The following PDE5A variants were observed in gnomAD, a reference collection of about 807,000 sequenced individuals.
The protein encoded by PDE5A is phosphodiesterase 5A.
PDE5A carries 67 observed loss-of-function variants against 110.2 expected under a neutral mutation model. The ratio of observed to expected loss-of-function variants is 0.61; its 90% CI spans 0.50 to 0.75. The LOEUF (loss-of-function observed/expected upper bound fraction) is 0.75. PDE5A is among the 30% of genes least tolerant of loss of function. The pLI is 0.00. For synonymous variants in PDE5A, 328 were observed against 351.2 expected (o/e 0.93, Z 0.74); for missense variants, 862 against 1,045.1 (o/e 0.82, Z 2.42).
rs550126242 is a variant in PDE5A, at chr4:119,585,815, A to G, written c.831+10708T>C. ...GACAACTTTGGAGACGAGGTTATATAGAGCACTACTGCTTCCTCCTTGCTC... is the reference window on the plus strand; with the variant it reads ...GACAACTTTGGAGACGAGGTTATATGGAGCACTACTGCTTCCTCCTTGCTC... On this transcript the variant is annotated intron_variant, in intron 3 of 20. Transcript: ENST00000354960. 4.6e-5 allele frequency among the ~76,000 whole-genome samples: 7 copies of G among 152,302 alleles called. No individual in the cohort carries two copies. The East Asian group carries it at 1.4e-3, about 29-fold the overall frequency.
intron 3 of PDE5A, among the ~76,000 whole-genome samples, chr4:119,596,107 G>A (rs1197531132): frequency 2.0e-5 from 3 of 152,018 alleles, no homozygotes; most frequent in Admixed American, 6.6e-5. Flanking sequence ...AATTAGCTAT[G>A]ATTTCCATTT....
chr4:119,600,693 A>T (rs868090438), intron 2 of PDE5A, among the ~76,000 whole-genome samples: 35 of 152,294 alleles, frequency 2.3e-4, no homozygotes, highest in African/African-American at 7.5e-4. Context: ...AAAATATTAC[A>T]CGAGTCCATA....
intron 3 of PDE5A, among the ~76,000 whole-genome samples, chr4:119,586,434 A>G (rs1728769034): frequency 6.6e-6 from 1 of 152,224 alleles, no homozygotes; most frequent in African/African-American, 2.4e-5. Context: ...CAAGGAATAC[A>G]GGGTATTTAA....
chr4:119,506,111 T>C (rs1300938994), intron 16 of PDE5A, among the ~76,000 whole-genome samples, 179 bp from the exon 17 acceptor site: 2 of 151,952 alleles, frequency 1.3e-5, no homozygotes, highest in African/African-American at 4.8e-5. Flanking sequence ...TTCCCCCTTC[T>C]ATCATTTGCT....
chr4:119,554,086 C>G (rs1727456437), intron 7 of PDE5A, among the ~76,000 whole-genome samples: 2 of 152,028 alleles, frequency 1.3e-5, no homozygotes, highest in Admixed American at 1.3e-4. Flanking sequence ...TATAGAATGC[C>G]TAAGGTCTAG....
At chr4:119,609,650 G>C (rs1053887317) in intron 1 of PDE5A, among the ~76,000 whole-genome samples, 3 of 152,068 alleles carry the variant, frequency 2.0e-5, no homozygotes, top group Non-Finnish European at 2.9e-5. Flanking sequence ...TTCAAGAGTT[G>C]AATACAGTTA....
rs1725728435 is a variant in PDE5A, at chr4:119,511,121, G to A, written c.2014C>T (p.Leu672Phe). 3 of 1,607,222 alleles carry A rather than the reference G, an allele frequency of 1.9e-6. No homozygotes were observed. The highest frequency in any genetic ancestry group is 2.7e-5 in the African/African-American group (2 of 74,740). The change falls in exon 15 of 21, where the codon CTT becomes TTT. Residue 672 changes from leucine to phenylalanine, a missense_variant. Leu to Phe is a conservative substitution (Grantham distance 22). Coordinates refer to ENST00000354960, the MANE Select transcript of PDE5A (RefSeq NM_001083.4). ...ATTGAATGGCAGTAAAGCTGGGCAA[G>A]TGGATGTTCACTTCTGAAAGTATTT... ...NSYIQRSEHP[L>F]AQLYCHSIME...
In PDE5A at chr4:119,617,404, G is replaced by T. The variant is rs746334337; in HGVS notation, c.153-10107C>A. The stretch of plus-strand genomic sequence containing the variant: ...CACACGCACACACGTGTCTGTGTCC[G>T]AAGGGTCTCCCTGTGGCAATAACTT... On this transcript the variant is annotated intron_variant, in intron 1 of 20. Transcript: ENST00000354960. Among the ~76,000 whole-genome samples the T allele has an allele frequency of 4.6e-5, 7 of 152,192 alleles. No individual in the cohort carries two copies. In the South Asian group the frequency reaches 8.3e-4, roughly 18 times the overall value.
At chr4:119,514,923 A>C (rs949253276) in intron 14 of PDE5A, among the ~76,000 whole-genome samples, 1 of 152,198 alleles carries the variant, frequency 6.6e-6, no homozygotes, top group Non-Finnish European at 1.5e-5. Flanking sequence ...TGACTTGCAC[A>C]AGGTCACAGA....
intron 9 of PDE5A, among the ~76,000 whole-genome samples, chr4:119,545,904 G>A (rs894192618): frequency 6.6e-6 from 1 of 152,052 alleles, no homozygotes; most frequent in Non-Finnish European, 1.5e-5. Flanking sequence ...TTTTGTTTCT[G>A]CACTTTTCAT....
At chr4:119,598,677 A>G (rs1311178161) in intron 2 of PDE5A, among the ~76,000 whole-genome samples, 1 of 152,204 alleles carries the variant, frequency 6.6e-6, no homozygotes, top group Admixed American at 6.5e-5. Context: ...AAAAGACAAC[A>G]TAAGTAATTG....
chr4:119,540,784 G>C (rs1726898599), intron 10 of PDE5A, among the ~76,000 whole-genome samples: 1 of 152,064 alleles, frequency 6.6e-6, no homozygotes, highest in Non-Finnish European at 1.5e-5. Context: ...ATAATTCACT[G>C]TCTTTTGAAG....
At chr4:119,539,049 C>T (rs1726828403) in intron 10 of PDE5A, 30 bp from the exon 11 acceptor site, 1 of 1,556,778 alleles carries the variant, frequency 6.4e-7, no homozygotes, top group African/African-American at 1.4e-5. Context: ...GTCCAGGTTA[C>T]ACAGGAGAGA....
At chr4:119,501,687 A>T (rs1009977461) in intron 19 of PDE5A, among the ~76,000 whole-genome samples, 6 of 152,192 alleles carry the variant, frequency 3.9e-5, no homozygotes, top group Non-Finnish European at 8.8e-5. Context: ...AAAGAAAAAA[A>T]GAGGAAAACT....
chr4:119,547,106 GTTTTTT>G (rs35182804), intron 9 of PDE5A, among the ~76,000 whole-genome samples: 14 of 134,310 alleles, frequency 1.0e-4, no homozygotes, highest in African/African-American at 3.9e-4. Flanking sequence ...TTGGGCAATA[GTTTTTT>G]TTTTTTTTTT....
chr4:119,566,521 T>C (rs1298424808), intron 4 of PDE5A, among the ~76,000 whole-genome samples: 2 of 152,192 alleles, frequency 1.3e-5, no homozygotes, highest in Non-Finnish European at 2.9e-5. Flanking sequence ...TGGAAGGTAC[T>C]CCTTCAGAGT....
intron 8 of PDE5A, among the ~76,000 whole-genome samples, chr4:119,552,858 T>G (rs545441671): frequency 1.3e-5 from 2 of 152,096 alleles, no homozygotes; most frequent in South Asian, 4.1e-4. Flanking sequence ...TTTTTTTCAC[T>G]TTAAACTTTC....
At chr4:119,513,010 T>G (rs1725800418) in intron 14 of PDE5A, 1 of 152,072 alleles carries the variant, frequency 6.6e-6, no homozygotes, top group African/African-American at 2.4e-5. Context: ...TATATTTAAT[T>G]TTTACAATAA....
chr4:119,609,343 C>T (rs1166286358), intron 1 of PDE5A, among the ~76,000 whole-genome samples: 1 of 152,050 alleles, frequency 6.6e-6, no homozygotes, highest in East Asian at 1.9e-4. Flanking sequence ...TGACTAAATA[C>T]ATCATGGCAC....
Sources: allele counts gnomAD v4.1 joint callset (sites outside exome capture counted in the v4.1 genomes callset), GRCh38; gene constraint gnomAD v4.1.1; transcripts MANE v1.5; gene names NCBI Gene and HGNC (gene_info 2026-07-23, HGNC 2026-07-21).